Variants in DMRT1 observed in about 807,000 individuals in gnomAD.
DMRT1 encodes the protein doublesex and mab-3 related transcription factor 1.
In DMRT1, 7 loss-of-function variants were observed where a neutral mutation model predicts 32.3. The observed-to-expected ratio is 0.22, with a 90% CI of 0.12 to 0.41. DMRT1 has a LOEUF of 0.41. DMRT1 is among the 10% of genes least tolerant of loss of function. The pLI, the probability that DMRT1 is intolerant of heterozygous loss-of-function variation, is 1.00. For synonymous variants in DMRT1, 278 were observed against 206.1 expected, an observed-to-expected ratio of 1.35 and a Z score of -2.99; for missense variants, 625 against 500.5, an observed-to-expected ratio of 1.25 and a Z score of -2.37.
chr9:943,092 T>A (rs1440624498), intron 4 of DMRT1, among the ~76,000 whole-genome samples: 4 of 152,200 alleles, frequency 2.6e-5, no homozygotes, highest in Non-Finnish European at 4.4e-5. Flanking sequence ...GATTTGCGTT[T>A]TGATAGCATA....
intron 4 of DMRT1, among the ~76,000 whole-genome samples, chr9:943,119 A>G (rs1819131954): frequency 6.6e-6 from 1 of 152,218 alleles, no homozygotes; most frequent in African/African-American, 2.4e-5. Flanking sequence ...TGTTATTCCA[A>G]GGAGTAAGAG....
intron 2 of DMRT1, among the ~76,000 whole-genome samples, chr9:892,089 C>T (rs1203750553): frequency 1.3e-5 from 2 of 152,130 alleles, no homozygotes; most frequent in Non-Finnish European, 2.9e-5. Context: ...CCTGCATCTG[C>T]TCCTTTCATC....
At chr9:951,293 A>ACTGATG (rs529837660) in intron 4 of DMRT1, among the ~76,000 whole-genome samples, 1,732 of 152,322 alleles carry the variant, frequency 0.011, 44 homozygotes, top group African/African-American at 0.04. Context: ...GTTAAAGAAA[A>ACTGATG]ATGATTTTGA....
chr9:875,447 A>T (rs936522427), intron 2 of DMRT1, among the ~76,000 whole-genome samples: 91 of 152,148 alleles, frequency 6.0e-4, no homozygotes, highest in African/African-American at 2.1e-3. Flanking sequence ...ATCTATTTTG[A>T]TTACTGTCAC....
chr9:912,731 G>A (rs1818032829), intron 3 of DMRT1, among the ~76,000 whole-genome samples: 1 of 151,842 alleles, frequency 6.6e-6, no homozygotes, highest in Non-Finnish European at 1.5e-5. Flanking sequence ...GTACTTCCAA[G>A]GTATATGGAC....
chr9:953,730 A>G (rs890999927), intron 4 of DMRT1, among the ~76,000 whole-genome samples: 5 of 152,170 alleles, frequency 3.3e-5, no homozygotes, highest in African/African-American at 9.7e-5. Flanking sequence ...CTTTCCATGC[A>G]TACTTACCTA....
At chr9:909,553 C>T (rs1176549405) in intron 3 of DMRT1, among the ~76,000 whole-genome samples, 1 of 152,060 alleles carries the variant, frequency 6.6e-6, no homozygotes. Context: ...TCAACCCCAG[C>T]CTTCACACCC....
rs1816284224 is a variant in DMRT1 at position 871,896 on chromosome 9, G to C, written c.539-22016G>C. On this transcript the variant is annotated intron_variant, in intron 2 of 4. Transcript: ENST00000382276. ...AGAACCACTGCTTTGAGTTTAAAAC[G>C]ATGGCCCTTTTCCAACAACTACCAT... Among the ~76,000 whole-genome samples, 2 of 151,296 alleles carry C rather than the reference G, an allele frequency of 1.3e-5. 1 individual carries two copies. The highest frequency in any genetic ancestry group is 4.9e-5 in the African/African-American group (2 of 40,634).
In DMRT1 at chr9:959,223, C is replaced by G. The variant is rs185012426; in HGVS notation, c.968-8762C>G. On this transcript the variant is annotated intron_variant, in intron 4 of 4. Transcript: ENST00000382276. ...GAGATGATCACGTATATATTTAAGT[C>G]TGTTTTCAAATGCACTTGTGGTGTG... Among the ~76,000 whole-genome samples the G allele has an allele frequency of 1.1e-4, 17 of 152,350 alleles. No individual in the cohort carries two copies. In the East Asian group the frequency reaches 3.1e-3, roughly 28 times the overall value.
At chr9:880,750 A>G (rs923540051) in intron 2 of DMRT1, among the ~76,000 whole-genome samples, 7 of 149,600 alleles carry the variant, frequency 4.7e-5, no homozygotes, top group Middle Eastern at 3.4e-3. Flanking sequence ...AAAAGAAAAG[A>G]AAAGGAAAAA....
In DMRT1 at chr9:884,615, A is replaced by T. The variant is rs191755834; in HGVS notation, c.539-9297A>T. On this transcript the variant is annotated intron_variant, in intron 2 of 4. Coordinates refer to ENST00000382276, the MANE Select transcript of DMRT1 (RefSeq NM_021951.3). ...TCCTGATGCTTTTCTGAGTGGTTGG[A>T]TCCAGTCCTTCTGATCTTTTGTTCT... Among the ~76,000 whole-genome samples the T allele has an allele frequency of 9.4e-4, 143 of 152,290 alleles. 2 individuals are homozygous for T. Among genetic ancestry groups the T allele is most frequent in the South Asian group, 3.1e-3 (15 of 4,826 alleles).
At chr9:875,076 C>A (rs1013848370) in intron 2 of DMRT1, among the ~76,000 whole-genome samples, 7 of 152,080 alleles carry the variant, frequency 4.6e-5, no homozygotes, top group Non-Finnish European at 1.0e-4. Flanking sequence ...TCCCAAAGTG[C>A]TGGGATTACA....
chr9:844,087 C>T (rs950982662), intron 1 of DMRT1, among the ~76,000 whole-genome samples: 7 of 152,044 alleles, frequency 4.6e-5, no homozygotes, highest in Non-Finnish European at 8.8e-5. Flanking sequence ...TGGGGGATTT[C>T]TCAAAATGTA....
rs1280785058 is a variant in DMRT1, at chr9:955,000, A to G, written c.968-12985A>G. On this transcript the variant is annotated intron_variant, in intron 4 of 4. Coordinates refer to ENST00000382276, the MANE Select transcript of DMRT1 (RefSeq NM_021951.3). ...AGTAAGAAGTCAGGGAAAGAGATAT[A>G]CATTGTGAAGTCATTTGCAATGAGG... Among the ~76,000 whole-genome samples the G allele has an allele frequency of 2.0e-5, 3 of 152,202 alleles. No homozygotes were observed. In the East Asian group the frequency reaches 5.8e-4, roughly 29 times the overall value.
chr9:891,896 C>T (rs985635652), intron 2 of DMRT1, among the ~76,000 whole-genome samples: 2 of 152,188 alleles, frequency 1.3e-5, no homozygotes, highest in African/African-American at 4.8e-5. Context: ...TCAGTCCCTT[C>T]AGCAAATATT....
At chr9:864,410 C>T (rs1815869043) in intron 2 of DMRT1, among the ~76,000 whole-genome samples, 1 of 151,410 alleles carries the variant, frequency 6.6e-6, no homozygotes, top group Non-Finnish European at 1.5e-5. Flanking sequence ...CCAGGCTGGT[C>T]TTGAACTCCT....
chr9:855,358 G>T (rs1462767745), intron 2 of DMRT1, among the ~76,000 whole-genome samples: 2 of 152,158 alleles, frequency 1.3e-5, no homozygotes, highest in East Asian at 3.9e-4. Context: ...AAAAACATTT[G>T]ATTGGTTTAC....
In DMRT1 at chr9:937,906, T is replaced by A. The variant is rs182173710; in HGVS notation, c.967+20999T>A. Among the ~76,000 whole-genome samples the A allele has an allele frequency of 2.8e-3, 430 of 152,258 alleles. 2 individuals carry two copies. Among genetic ancestry groups the A allele is most frequent in the African/African-American group, 9.8e-3 (408 of 41,570 alleles). The stretch of plus-strand genomic sequence containing the variant: ...GTTGCCTGTGCTTTTGGTGTCATAT[T>A]TAAGAAACCATTGTCAAATCCAAGG... On this transcript the variant is annotated intron_variant, in intron 4 of 4. Coordinates refer to ENST00000382276, the MANE Select transcript of DMRT1 (RefSeq NM_021951.3).
intron 4 of DMRT1, among the ~76,000 whole-genome samples, chr9:949,047 C>T (rs963150503): frequency 2.6e-5 from 4 of 151,674 alleles, no homozygotes; most frequent in South Asian, 2.1e-4. Flanking sequence ...GAGCTGAGAT[C>T]GTGCCACTGT....
Sources: allele counts gnomAD v4.1 joint callset (sites outside exome capture counted in the v4.1 genomes callset), GRCh38; gene constraint gnomAD v4.1.1; transcripts MANE v1.5; gene names NCBI Gene and HGNC (gene_info 2026-07-23, HGNC 2026-07-21).